The following PKM variants were observed in gnomAD, a reference collection of about 807,000 sequenced individuals.
PKM encodes the protein pyruvate kinase PKM.
A neutral mutation model predicts 49.8 loss-of-function variants in PKM; 18 were observed. The observed-to-expected ratio is 0.36, with a 90% CI of 0.25 to 0.54. The LOEUF (loss-of-function observed/expected upper bound fraction) is 0.54, where lower values mean the gene tolerates loss of function less well. PKM is among the 20% of genes least tolerant of loss of function. The pLI, the probability that PKM is intolerant of heterozygous loss-of-function variation, is 0.89. For missense variants in PKM, 508 were observed against 713.8 expected (o/e 0.71, Z 3.28); for synonymous variants, 239 against 261.8 (o/e 0.91, Z 0.84).
rs1227388967 is a variant in PKM, at chr15:72,230,989, C to T, written c.-14+127G>A. On this transcript the variant is annotated intron_variant, in intron 1 of 10. Coordinates refer to ENST00000335181, the MANE Select transcript of PKM (RefSeq NM_002654.6). ...TCCTCTCTCTGAGCTCCACTGCATC[C>T]CAGACGCCCTGGATCCTGCGCCGCC... 2.3e-6 allele frequency: 3 copies of T among 1,281,128 alleles called. No individual in the cohort carries two copies. The South Asian group carries it at 3.7e-5, about 16-fold the overall frequency. 79.4% of individuals were successfully genotyped at this position (1,281,128 alleles called of 1,614,324 possible).
At chr15:72,205,031 C>T (rs923882713) in intron 8 of PKM, among the ~76,000 whole-genome samples, 4 of 151,894 alleles carry the variant, frequency 2.6e-5, no homozygotes, top group Admixed American at 2.6e-4. Context: ...TCACATCACA[C>T]GAATGGTGAG....
rs776639365 is a variant in PKM at position 72,200,498 on chromosome 15, G to A, written c.1465C>T (p.Arg489Trp). ...CCAACATTCATGGCAAAGTTCACCCGGAGGTCCACGTCCTCAGCCCAGGCC... is the reference window on the plus strand; with the variant it reads ...CCAACATTCATGGCAAAGTTCACCCAGAGGTCCACGTCCTCAGCCCAGGCC... Reference protein sequence around the residue: ...QEAWAEDVDLRVNFAMNVGKA... With the variant: ...QEAWAEDVDLWVNFAMNVGKA... Residue 489 changes from arginine (R) to tryptophan (W), a missense_variant, in exon 10 of 11, where the codon CGG becomes TGG. Physicochemically the swap from Arg to Trp is moderately radical, Grantham distance 101. Coordinates refer to ENST00000335181, the MANE Select transcript of PKM (RefSeq NM_002654.6). This position sits in a 1 kb window ranked among gnomAD's most constrained non-coding sequence, Gnocchi z 4.6. The A allele has an allele frequency of 8.1e-6, 13 of 1,613,646 alleles. No homozygotes were observed. The highest frequency in any genetic ancestry group is 1.1e-5 in the Non-Finnish European group (13 of 1,179,832).
intron 1 of PKM, among the ~76,000 whole-genome samples, chr15:72,220,060 T>G (rs1443251897): frequency 6.6e-6 from 1 of 152,104 alleles, no homozygotes; most frequent in African/African-American, 2.4e-5. Flanking sequence ...AGACAAAAAC[T>G]CAGGAGAAGC....
intron 4 of PKM, 76 bp downstream of exon 4, chr15:72,210,271 C>T: frequency 2.6e-6 from 4 of 1,520,080 alleles, no homozygotes; most frequent in Non-Finnish European, 3.6e-6. Context: ...AACATGGCAA[C>T]CCAGCGCTTT....
In PKM at chr15:72,224,364, C is replaced by T. The variant is rs2082604617; in HGVS notation, c.-13-5254G>A. Among the ~76,000 whole-genome samples the T allele has an allele frequency of 2.0e-5, 3 of 152,238 alleles. No homozygotes were observed. In the South Asian group the frequency reaches 6.2e-4, roughly 32 times the overall value. ...GTGATGGCCTCAGCAAAGTGAGGCACTGGCTCAACATTTACTGGAAGGGCT... is the reference window on the plus strand; with the variant it reads ...GTGATGGCCTCAGCAAAGTGAGGCATTGGCTCAACATTTACTGGAAGGGCT... On this transcript the variant is annotated intron_variant, in intron 1 of 10. Coordinates refer to ENST00000335181, the MANE Select transcript of PKM (RefSeq NM_002654.6).
At chr15:72,225,051 A>C (rs1165938380) in intron 1 of PKM, among the ~76,000 whole-genome samples, 1 of 146,836 alleles carries the variant, frequency 6.8e-6, no homozygotes, top group Non-Finnish European at 1.5e-5. Flanking sequence ...CCTCCTGAGT[A>C]GCTGGGACTA....
At position 72,199,261 on chromosome 15, in the gene PKM, C is replaced by T. The variant is rs2081868223; in HGVS notation, c.*389G>A. On this transcript the variant is annotated 3_prime_UTR_variant, in exon 11 of 11. Transcript: ENST00000335181. ...ACAACAGCCCAGTGCCCTAAGGCCC[C>T]TAACTCTTGCTGGCTGTTTCTTGAC... The T allele has an allele frequency of 2.6e-6, 1 of 380,798 alleles. No homozygotes were observed. The highest frequency in any genetic ancestry group is 6.8e-5 in the East Asian group (1 of 14,648). 23.6% of individuals were successfully genotyped at this position (380,798 alleles called of 1,614,324 possible). A position where few individuals can be genotyped will look rare whatever the true frequency, so the allele number is the denominator to read the frequency against.
At chr15:72,221,146 G>C in intron 1 of PKM, 1 of 1,327,676 alleles carries the variant, frequency 7.5e-7, no homozygotes, top group Non-Finnish European at 1.0e-6. Flanking sequence ...CCTGGCTGGG[G>C]CCACTGAATA....
At chr15:72,205,398 T>C (rs961231552) in intron 8 of PKM, among the ~76,000 whole-genome samples, 1 of 152,112 alleles carries the variant, frequency 6.6e-6, no homozygotes. Context: ...AGATTACAGG[T>C]GTGAGCCACC....
chr15:72,218,892 A>G (rs1309268292), intron 2 of PKM, 52 bp downstream of exon 2: 33 of 1,584,796 alleles, frequency 2.1e-5, no homozygotes, highest in Non-Finnish European at 2.7e-5. Flanking sequence ...TCAGGAGAGA[A>G]AGGTCACTGC....
At chr15:72,212,303 C>T (rs972219620) in intron 3 of PKM, among the ~76,000 whole-genome samples, 7 of 152,016 alleles carry the variant, frequency 4.6e-5, no homozygotes, top group Non-Finnish European at 8.8e-5. Context: ...GGTGAAACCT[C>T]GTCTCAACTT....
chr15:72,209,663 C>T lies in PKM; in HGVS notation c.565+10G>A. 6.2e-7 allele frequency: 1 copy of T among 1,611,304 alleles called. No individual in the cohort carries two copies. Among genetic ancestry groups the T allele is most frequent in the Non-Finnish European group, 8.5e-7 (1 of 1,178,514 alleles). Reference sequence around the variant, plus strand: ...GTTTTAGACAACTGGACTCCAGCTCCCATACGTACCTTTCTGCTTCACCTG... The same window carrying T: ...GTTTTAGACAACTGGACTCCAGCTCTCATACGTACCTTTCTGCTTCACCTG... On this transcript the variant is annotated intron_variant, in intron 5 of 10. Coordinates refer to ENST00000335181, the MANE Select transcript of PKM (RefSeq NM_002654.6).
Position 72,206,720 on chromosome 15 carries a change from G to A in PKM, c.1140+8C>T. ...GCCCTGGGGGATGGGGCAGGCCCCA[G>A]AACTCACCAGGTGCTGCATGCGCAC... is the stretch of plus-strand genomic sequence containing the variant. On this transcript the variant is annotated splice_region_variant and intron_variant, in intron 8 of 10. Transcript: ENST00000335181. 6.2e-7 allele frequency: 1 copy of A among 1,612,516 alleles called. No homozygotes were observed. The highest frequency in any genetic ancestry group is 8.5e-7 in the Non-Finnish European group (1 of 1,179,954).
At position 72,200,435 on chromosome 15, in the gene PKM, A is replaced by G. The variant is rs758755553; in HGVS notation, c.1489+39T>C. 8.1e-6 allele frequency: 13 copies of G among 1,601,748 alleles called. No individual in the cohort carries two copies. The highest frequency in any genetic ancestry group is 1.3e-5 in the African/African-American group (1 of 74,638). On this transcript the variant is annotated intron_variant, in intron 10 of 10. Coordinates refer to ENST00000335181, the MANE Select transcript of PKM (RefSeq NM_002654.6). The surrounding 1 kb of genome is among the most constrained non-coding windows in gnomAD (Gnocchi z 4.6). ...CAGAAGCCAATGCTCAAGCATCCCC[A>G]AGCTCCTCTAGGCTCTAGCCCCTGC...
rs374523679 is a variant in PKM at position 72,203,108 on chromosome 15, G to C, written c.1141-488C>G. 3 of 1,614,004 alleles carry C rather than the reference G, an allele frequency of 1.9e-6. No homozygotes were observed. In the African/African-American group the frequency reaches 4.0e-5, roughly 22 times the overall value. On this transcript the variant is annotated intron_variant, in intron 8 of 10. Transcript: ENST00000335181. ...TGCCCATGGCCATGGCTTCCATGAG[G>C]TCTGTGGAGTGACTTGAGGCTCGCA... is the stretch of plus-strand genomic sequence containing the variant.
chr15:72,221,911 C>A (rs1354624024), intron 1 of PKM, among the ~76,000 whole-genome samples: 3 of 125,464 alleles, frequency 2.4e-5, no homozygotes, highest in Non-Finnish European at 3.3e-5. Context: ...TTAATACATT[C>A]AGAACCTCAA....
chr15:72,208,799 C>G lies in PKM; in HGVS notation c.658G>C (p.Ala220Pro). ...TCCTGGATGTCCTTCTCCGACACAG[C>G]AGGCAAGTCCACAGCAGCCCCAGGA... Reference protein sequence around the residue: ...NLPGAAVDLPAVSEKDIQDLK... With the variant: ...NLPGAAVDLPPVSEKDIQDLK... Residue 220 changes from alanine to proline, a missense_variant, in exon 6 of 11, where the codon GCT (alanine) becomes CCT (proline). Physicochemically the swap from Ala to Pro is conservative, Grantham distance 27 (BLOSUM62 -1). Coordinates refer to ENST00000335181, the MANE Select transcript of PKM (RefSeq NM_002654.6). The G allele has an allele frequency of 6.2e-7, 1 of 1,614,198 alleles. No individual in the cohort carries two copies. Among genetic ancestry groups the G allele is most frequent in the Non-Finnish European group, 8.5e-7 (1 of 1,180,038 alleles).
chr15:72,230,746 C>T (rs995709842), intron 1 of PKM: 1 of 348,748 alleles, frequency 2.9e-6, no homozygotes, highest in Middle Eastern at 1.0e-3. Context: ...GAACAGGCGG[C>T]GCGGAGAAAG....
intron 1 of PKM, 164 bp from the exon 2 acceptor site, chr15:72,219,274 G>C (rs988062591): frequency 1.1e-5 from 7 of 624,756 alleles, no homozygotes; most frequent in Non-Finnish European, 1.9e-5. Flanking sequence ...TGCTCCTCAT[G>C]TTAGAAAAAG....
Sources: allele counts gnomAD v4.1 joint callset (sites outside exome capture counted in the v4.1 genomes callset), GRCh38; gene constraint gnomAD v4.1.1; non-coding constraint Gnocchi (gnomAD v3.1); transcripts MANE v1.5; gene names NCBI Gene and HGNC (gene_info 2026-07-23, HGNC 2026-07-21).